The following PPM1H variants were observed in gnomAD, a reference collection of about 807,000 sequenced individuals.
PPM1H encodes protein phosphatase 1H.
PPM1H carries 27 observed loss-of-function variants against 54.9 expected under a neutral mutation model. That is an observed-to-expected ratio of 0.49 (90% CI 0.36 to 0.68). The LOEUF (loss-of-function observed/expected upper bound fraction) is 0.68. Ranked by LOEUF, PPM1H falls within the 30% of genes least tolerant of loss-of-function variation. The pLI is 0.00. For missense variants in PPM1H, 596 were observed against 667.8 expected, an observed-to-expected ratio of 0.89 and a Z score of 1.19; for synonymous variants, 305 against 270.8, an observed-to-expected ratio of 1.13 and a Z score of -1.24.
At chr12:62,652,644 AT>A (rs1296404440) in intron 9 of PPM1H, among the ~76,000 whole-genome samples, 2 of 152,036 alleles carry the variant, frequency 1.3e-5, no homozygotes, top group Non-Finnish European at 2.9e-5. Context: ...TGTTATTTCT[AT>A]TATCAGTTAT....
chr12:62,779,762 A>G (rs2076630795), intron 4 of PPM1H, among the ~76,000 whole-genome samples: 1 of 152,234 alleles, frequency 6.6e-6, no homozygotes, highest in Non-Finnish European at 1.5e-5. Context: ...GCCTGTGGCT[A>G]TCACTTCTAT....
At chr12:62,759,902 C>A (rs910105449) in intron 4 of PPM1H, among the ~76,000 whole-genome samples, 1 of 152,036 alleles carries the variant, frequency 6.6e-6, no homozygotes, top group Non-Finnish European at 1.5e-5. Context: ...ACCTCTCACC[C>A]CTTCTTCACT....
At chr12:62,724,303 G>A (rs192123735) in intron 5 of PPM1H, among the ~76,000 whole-genome samples, 2 of 152,284 alleles carry the variant, frequency 1.3e-5, no homozygotes, top group East Asian at 1.9e-4. Flanking sequence ...CCATGAATGG[G>A]TAAGAAATCT....
At chr12:62,799,783 G>C (rs189673510) in intron 3 of PPM1H, among the ~76,000 whole-genome samples, 40 of 152,286 alleles carry the variant, frequency 2.6e-4, no homozygotes, top group Admixed American at 2.4e-3. Flanking sequence ...GGGTTTTGCT[G>C]TGTTGCACAA....
intron 1 of PPM1H, among the ~76,000 whole-genome samples, chr12:62,895,565 C>T (rs1545897): frequency 0.43 from 65,150 of 151,966 alleles, 15,565 homozygotes; most frequent in African/African-American, 0.62. Context: ...ATATTGAAAT[C>T]TGATCCCCAA....
rs571863173 is a variant in PPM1H, at chr12:62,760,293, G to A, written c.870-22707C>T. Among the ~76,000 whole-genome samples, 9 of 152,098 alleles carry A rather than the reference G, an allele frequency of 5.9e-5. No homozygotes were observed. The East Asian group carries it at 1.5e-3, about 26-fold the overall frequency. On this transcript the variant is annotated intron_variant, in intron 4 of 9. Coordinates refer to ENST00000228705, the MANE Select transcript of PPM1H (RefSeq NM_020700.2). ...CTAGTCTCTGCTCCCAGTGAGACTC[G>A]TCCCAAATCTTTCTTCTTTCCCTCC...
intron 3 of PPM1H, among the ~76,000 whole-genome samples, chr12:62,792,371 T>C (rs1302516730): frequency 6.6e-6 from 1 of 152,254 alleles, no homozygotes; most frequent in Non-Finnish European, 1.5e-5. Context: ...TTCAGCTACA[T>C]TCCCTCTGTA....
At position 62,832,099 on chromosome 12, in the gene PPM1H, C is replaced by G. The variant is rs755889247; in HGVS notation, c.411+15G>C. The G allele has an allele frequency of 6.2e-7, 1 of 1,612,262 alleles. No individual in the cohort carries two copies. On this transcript the variant is annotated intron_variant, in intron 2 of 9. Transcript: ENST00000228705. ...TTCTTCTCACCTGAGAACCAAGGAT[C>G]GAGAAGGGTCTTACCGAGTTCTCCT...
intron 1 of PPM1H, among the ~76,000 whole-genome samples, chr12:62,877,537 C>T (rs1870219290): frequency 6.6e-6 from 1 of 152,160 alleles, no homozygotes; most frequent in Non-Finnish European, 1.5e-5. Flanking sequence ...GCTGAACACT[C>T]GATGTACTCT....
intron 3 of PPM1H, among the ~76,000 whole-genome samples, chr12:62,791,381 A>G (rs929163712): frequency 1.3e-5 from 2 of 152,202 alleles, no homozygotes; most frequent in African/African-American, 4.8e-5. Context: ...AAGAAAACCC[A>G]TAAAAACAGA....
chr12:62,682,415 A>G (rs1402597313), intron 8 of PPM1H, among the ~76,000 whole-genome samples: 1 of 152,242 alleles, frequency 6.6e-6, no homozygotes, highest in Non-Finnish European at 1.5e-5. Flanking sequence ...ACAAAAAGTC[A>G]CCCAGAATCA....
intron 1 of PPM1H, among the ~76,000 whole-genome samples, chr12:62,857,395 T>C (rs1322652267): frequency 1.3e-5 from 2 of 152,162 alleles, no homozygotes; most frequent in Non-Finnish European, 2.9e-5. Flanking sequence ...AGAATGGTGG[T>C]TGTGATCAAT....
rs747688311 is a variant in PPM1H at position 62,801,912 on chromosome 12, G to T, written c.660C>A (p.Gly220=). 5.6e-6 allele frequency: 9 copies of T among 1,613,526 alleles called. No individual in the cohort carries two copies. Among genetic ancestry groups the T allele is most frequent in the Non-Finnish European group, 7.6e-6 (9 of 1,179,674 alleles). The part of the protein sequence containing the change: ...ASLRGGVGAP[G]SPSTPPTRFF... ...AGCGTGTGGGGGGCGTGCTGGGGGA[G>T]CCCGGGGCCCCCACCCCTCCGCGCA... The change falls in exon 3 of 10, where the codon GGC becomes GGA. Residue 220 remains glycine, a synonymous_variant. Coordinates refer to ENST00000228705, the MANE Select transcript of PPM1H (RefSeq NM_020700.2).
intron 2 of PPM1H, among the ~76,000 whole-genome samples, chr12:62,823,122 C>T (rs887344811): frequency 6.6e-6 from 1 of 152,152 alleles, no homozygotes; most frequent in Non-Finnish European, 1.5e-5. Flanking sequence ...AACACCTCTA[C>T]ACAAATAAAC....
chr12:62,739,079 G>GAA (rs34304517), intron 4 of PPM1H, among the ~76,000 whole-genome samples: 15 of 146,206 alleles, frequency 1.0e-4, no homozygotes, highest in South Asian at 6.5e-4. Flanking sequence ...ATGACTCTAG[G>GAA]AAAAAAAAAA....
rs549878358 is a variant in PPM1H at position 62,727,201 on chromosome 12, C to T, written c.955-6912G>A. ...GATTACAGCCATGAGCCACCATGCCCGGCCATGTGTCCATCATTTTTAAAA... is the reference window on the plus strand; with the variant it reads ...GATTACAGCCATGAGCCACCATGCCTGGCCATGTGTCCATCATTTTTAAAA... On this transcript the variant is annotated intron_variant, in intron 5 of 9. Transcript: ENST00000228705. Among the ~76,000 whole-genome samples the T allele has an allele frequency of 2.6e-5, 4 of 152,284 alleles. No individual in the cohort carries two copies. The East Asian group carries it at 5.8e-4, about 22-fold the overall frequency.
chr12:62,795,059 A>C (rs1366387498), intron 3 of PPM1H, among the ~76,000 whole-genome samples: 1 of 152,186 alleles, frequency 6.6e-6, no homozygotes, highest in African/African-American at 2.4e-5. Flanking sequence ...CAGTGTACAC[A>C]GTAAGTATTA....
intron 4 of PPM1H, among the ~76,000 whole-genome samples, chr12:62,776,099 T>C (rs558253630): frequency 6.6e-6 from 1 of 151,704 alleles, no homozygotes; most frequent in African/African-American, 2.4e-5. Flanking sequence ...ATGGGAAAAA[T>C]ACTCCCCCAC....
chr12:62,786,934 T>C (rs1486718503), intron 4 of PPM1H, among the ~76,000 whole-genome samples: 1 of 152,334 alleles, frequency 6.6e-6, no homozygotes, highest in East Asian at 1.9e-4. Flanking sequence ...TGTTGTAAAA[T>C]GTATATATAT....
Sources: gnomAD v4.1 joint callset for allele counts (sites outside exome capture counted in the v4.1 genomes callset) on GRCh38, gnomAD v4.1.1 for gene constraint, MANE v1.5 for transcripts, NCBI Gene and HGNC (gene_info 2026-07-23, HGNC 2026-07-21) for gene names.